Variants in PSMA1 observed in about 807,000 individuals in gnomAD.
PSMA1 encodes proteasome 20S subunit alpha 1.
Under a neutral mutation model 38.4 loss-of-function variants are expected in PSMA1, and 3 were observed. The ratio of observed to expected loss-of-function variants is 0.08; its 90% CI spans 0.04 to 0.20. The LOEUF is 0.20. Ranked by LOEUF, PSMA1 falls within the 10% of genes least tolerant of loss-of-function variation. The pLI is 1.00. For synonymous variants in PSMA1, 101 were observed against 107.1 expected (o/e 0.94, Z 0.35); for missense variants, 227 against 325.3 (o/e 0.70, Z 2.32).
upstream of PSMA1, among the ~76,000 whole-genome samples, chr11:14,522,610 T>G (rs1258110536): frequency 1.3e-5 from 2 of 152,162 alleles, no homozygotes; most frequent in African/African-American, 4.8e-5. Flanking sequence ...TTATTTATAG[T>G]TTTTTATTAC....
intron 2 of PSMA1, among the ~76,000 whole-genome samples, chr11:14,518,791 T>G (rs1851477849): frequency 6.6e-6 from 1 of 152,194 alleles, no homozygotes; most frequent in Non-Finnish European, 1.5e-5. Flanking sequence ...GCATGAAACA[T>G]TTTTCTTTCT....
intron 2 of PSMA1, among the ~76,000 whole-genome samples, chr11:14,608,118 G>A (rs1397359899): frequency 6.6e-6 from 1 of 152,138 alleles, no homozygotes; most frequent in African/African-American, 2.4e-5. Flanking sequence ...TTGGGAGGCT[G>A]AGGTGGAAGG....
chr11:14,576,302 T>G (rs1325858130), intron 2 of PSMA1, among the ~76,000 whole-genome samples: 4 of 152,214 alleles, frequency 2.6e-5, no homozygotes, highest in Non-Finnish European at 5.9e-5. Context: ...CATTTGTCAA[T>G]TTTGGCTTTT....
Position 14,534,918 on chromosome 11 carries a change from A to T in PSMA1, c.22-15877T>A, listed in dbSNP as rs1427616754. Among the ~76,000 whole-genome samples the T allele has an allele frequency of 6.6e-6, 1 of 152,142 alleles. No individual in the cohort carries two copies. The highest frequency in any genetic ancestry group is 1.5e-5 in the Non-Finnish European group (1 of 68,010). On this transcript the variant is annotated intron_variant, in intron 2 of 10. Coordinates refer to the PSMA1 transcript ENST00000418988. This position sits in a 1 kb window ranked among gnomAD's most constrained non-coding sequence, Gnocchi z 4.5. ...TGGCAAAACCCCGTCTCTACTAAAA[A>T]TACAAAATTAGCGGGCATGGTGGCA...
chr11:14,628,518 AG>A lies in PSMA1; in HGVS notation c.-166+14936del, dbSNP rs984176752. On this transcript the variant is annotated intron_variant, in intron 1 of 10. Transcript: ENST00000418988. ...AACTCATCCTTTTTTATGGCTGCAT[AG>A]TATTCCATGGTGTATATGTGCCACA... Among the ~76,000 whole-genome samples, 41 of 150,612 alleles carry A rather than the reference AG, an allele frequency of 2.7e-4. 2 individuals are homozygous for A. The highest frequency in any genetic ancestry group is 2.7e-3 in the Admixed American group (41 of 15,088).
chr11:14,510,214 T>C (rs1305440617), intron 8 of PSMA1, among the ~76,000 whole-genome samples: 1 of 152,200 alleles, frequency 6.6e-6, no homozygotes, highest in Non-Finnish European at 1.5e-5. Context: ...ACCTCAACAC[T>C]ACTGGCCTCC....
intron 2 of PSMA1, among the ~76,000 whole-genome samples, chr11:14,529,685 T>G (rs888428236): frequency 2.6e-5 from 4 of 152,260 alleles, no homozygotes; most frequent in African/African-American, 4.8e-5. Context: ...TGGTAACACC[T>G]TAACTCTCAC....
chr11:14,577,015 C>G (rs1852226281), intron 2 of PSMA1, among the ~76,000 whole-genome samples: 1 of 152,076 alleles, frequency 6.6e-6, no homozygotes, highest in African/African-American at 2.4e-5. Context: ...AAGTTGGATT[C>G]CTAGGTATTT....
At chr11:14,643,304 G>C (rs1853244883) in intron 1 of PSMA1, among the ~76,000 whole-genome samples, 1 of 151,946 alleles carries the variant, frequency 6.6e-6, no homozygotes, top group African/African-American at 2.4e-5. Context: ...GACCCACCCT[G>C]AAAGGGACTA....
rs1220744018 is a variant in PSMA1 at position 14,553,404 on chromosome 11, GT to G, written c.22-34364del. On this transcript the variant is annotated intron_variant, in intron 2 of 10. Coordinates refer to the PSMA1 transcript ENST00000418988. ...CATGTAGTAAATTGATGTAACAACAGTAAAAGTCAAGATACAGAACTGTTTT... is the reference window on the plus strand; with the variant it reads ...CATGTAGTAAATTGATGTAACAACAGAAAAGTCAAGATACAGAACTGTTTT... Among the ~76,000 whole-genome samples, 15 of 152,240 alleles carry G rather than the reference GT, an allele frequency of 9.9e-5. 1 individual carries two copies. In the East Asian group the frequency reaches 2.7e-3, roughly 27 times the overall value.
chr11:14,523,726 G>T (rs1851555573), upstream of PSMA1, among the ~76,000 whole-genome samples: 1 of 151,720 alleles, frequency 6.6e-6, no homozygotes, highest in African/African-American at 2.4e-5. Context: ...TGGGACTACA[G>T]GCAAGTACCC....
At chr11:14,629,828 T>A (rs1173485107) in intron 1 of PSMA1, among the ~76,000 whole-genome samples, 1 of 152,056 alleles carries the variant, frequency 6.6e-6, no homozygotes, top group African/African-American at 2.4e-5. Context: ...TTTGTTTGTA[T>A]CCTCTTTTAT....
intron 2 of PSMA1, among the ~76,000 whole-genome samples, chr11:14,565,008 G>A (rs1024563228): frequency 1.3e-5 from 2 of 151,924 alleles, no homozygotes; most frequent in Admixed American, 1.3e-4. Context: ...TGAACTCCTG[G>A]GCTCAAGTAA....
At chr11:14,626,516 A>C (rs1852913991) in intron 1 of PSMA1, among the ~76,000 whole-genome samples, 1 of 152,160 alleles carries the variant, frequency 6.6e-6, no homozygotes. Flanking sequence ...TTATATATTA[A>C]TCATACTTCA....
chr11:14,550,956 T>C (rs561812568), intron 2 of PSMA1, among the ~76,000 whole-genome samples: 29 of 152,146 alleles, frequency 1.9e-4, no homozygotes, highest in Non-Finnish European at 3.5e-4. Context: ...GGAAATGTCA[T>C]GGACTTGCTT....
At chr11:14,597,188 A>T (rs1031248903) in intron 2 of PSMA1, among the ~76,000 whole-genome samples, 10 of 152,078 alleles carry the variant, frequency 6.6e-5, no homozygotes, top group Admixed American at 1.3e-4. Flanking sequence ...TTCATCAGGG[A>T]TATTGGTCTA....
At chr11:14,560,151 G>A (rs1321843916) in intron 2 of PSMA1, among the ~76,000 whole-genome samples, 1 of 152,148 alleles carries the variant, frequency 6.6e-6, no homozygotes, top group Non-Finnish European at 1.5e-5. Flanking sequence ...TAGTAGTTGT[G>A]GGAATGACTG....
At chr11:14,601,082 A>G (rs1186889671) in intron 2 of PSMA1, among the ~76,000 whole-genome samples, 2 of 152,228 alleles carry the variant, frequency 1.3e-5, no homozygotes, top group Non-Finnish European at 2.9e-5. Context: ...TCCATTTTAG[A>G]AATTCAGCTT....
At chr11:14,569,362 G>T (rs528478643) in intron 2 of PSMA1, among the ~76,000 whole-genome samples, 14 of 152,252 alleles carry the variant, frequency 9.2e-5, no homozygotes, top group African/African-American at 3.4e-4. Context: ...ACTGGGGCTT[G>T]TCGGACAGTG....
Sources: allele counts gnomAD v4.1 joint callset (sites outside exome capture counted in the v4.1 genomes callset), GRCh38; gene constraint gnomAD v4.1.1; non-coding constraint Gnocchi (gnomAD v3.1); transcripts MANE v1.5; gene names NCBI Gene and HGNC (gene_info 2026-07-23, HGNC 2026-07-21).